The following TMPRSS15 variants were observed in gnomAD, a reference collection of about 807,000 sequenced individuals.
TMPRSS15 encodes transmembrane serine protease 15.
Under a neutral mutation model 125.3 loss-of-function variants are expected in TMPRSS15, and 128 were observed. That is an observed-to-expected ratio of 1.02 (90% confidence interval 0.89 to 1.18). The LOEUF is 1.18. Among genes scored for constraint, TMPRSS15 ranks in the 50% most tolerant of loss-of-function variants. TMPRSS15 has a pLI of 0.00. For synonymous variants in TMPRSS15, 446 were observed against 423.2 expected (o/e 1.05, Z -0.66); for missense variants, 1,283 against 1,212.7 (o/e 1.06, Z -0.86).
In TMPRSS15 at chr21:18,419,378, AC is replaced by A. The variant is rs371577800; in HGVS notation, c.11-21050del. On this transcript the variant is annotated intron_variant, in intron 1 of 7. Transcript: ENST00000422787. The stretch of plus-strand genomic sequence containing the variant: ...GTAGCTGGGACTACAGGCGCCCGCC[AC>A]CACGCCCAGCTAATTTTTTGTATTT... Among the ~76,000 whole-genome samples the A allele has an allele frequency of 1.2e-3, 186 of 151,948 alleles. 3 individuals carry two copies. In the South Asian group the frequency reaches 0.015, roughly 12 times the overall value.
chr21:18,371,660 T>C (rs1362769663), intron 6 of TMPRSS15, among the ~76,000 whole-genome samples: 1 of 152,208 alleles, frequency 6.6e-6, no homozygotes, highest in African/African-American at 2.4e-5. Context: ...ATTCATATCT[T>C]ATTTCTACTA....
intron 1 of TMPRSS15, among the ~76,000 whole-genome samples, chr21:18,448,536 T>C (rs959248560): frequency 1.1e-4 from 17 of 152,164 alleles, no homozygotes; most frequent in African/African-American, 4.1e-4. Flanking sequence ...ATGCATACCA[T>C]ATTTTGAAAA....
rs557351595 is a variant in TMPRSS15, at chr21:18,483,425, C to T, written c.10+2374G>A. Among the ~76,000 whole-genome samples the T allele has an allele frequency of 1.1e-3, 169 of 151,868 alleles. 5 individuals are homozygous for T. In the South Asian group the frequency reaches 0.033, roughly 30 times the overall value. On this transcript the variant is annotated intron_variant, in intron 1 of 7. Coordinates refer to the TMPRSS15 transcript ENST00000422787. ...CCCTTTGGTTCTAACATTAGAGTTT[C>T]GGTTTTAACATTTGCTACTCCATGA...
chr21:18,313,893 CAAA>C (rs5842679), intron 17 of TMPRSS15, among the ~76,000 whole-genome samples: 27,480 of 129,772 alleles, frequency 0.21, 3,269 homozygotes, highest in East Asian at 0.51. Flanking sequence ...CCCTCCCCAC[CAAA>C]AAAAAAAAAA....
chr21:18,332,793 C>A (rs887009264), intron 13 of TMPRSS15, among the ~76,000 whole-genome samples: 4 of 152,234 alleles, frequency 2.6e-5, no homozygotes, highest in South Asian at 4.1e-4. Context: ...CACATGCACA[C>A]GTTTTTTCAT....
At chr21:18,483,641 T>C (rs550760710) in intron 1 of TMPRSS15, among the ~76,000 whole-genome samples, 1 of 151,950 alleles carries the variant, frequency 6.6e-6, no homozygotes, top group Non-Finnish European at 1.5e-5. Flanking sequence ...GTATACATAA[T>C]AAGAATACTA....
chr21:18,372,782 C>T (rs1196184698), intron 5 of TMPRSS15, among the ~76,000 whole-genome samples: 4 of 152,198 alleles, frequency 2.6e-5, no homozygotes, highest in Non-Finnish European at 4.4e-5. Context: ...ACACTGTAAA[C>T]ACACCCCTGC....
chr21:18,440,322 G>A (rs1430908737), intron 1 of TMPRSS15, among the ~76,000 whole-genome samples: 4 of 127,530 alleles, frequency 3.1e-5, no homozygotes, highest in African/African-American at 1.2e-4. Flanking sequence ...GCAGTGAGTC[G>A]AGATCGCGCC....
chr21:18,309,363 TA>T (rs1429705542), intron 18 of TMPRSS15, among the ~76,000 whole-genome samples: 1 of 152,062 alleles, frequency 6.6e-6, no homozygotes, highest in African/African-American at 2.4e-5. Flanking sequence ...ACTTCATGAC[TA>T]AAACACTAAA....
chr21:18,436,117 G>A (rs2076227348), intron 1 of TMPRSS15, among the ~76,000 whole-genome samples: 1 of 151,012 alleles, frequency 6.6e-6, no homozygotes, highest in Admixed American at 6.6e-5. Context: ...AGGGTTTTTT[G>A]TGTCTCTATT....
At chr21:18,475,276 A>G (rs1321061130) in intron 1 of TMPRSS15, among the ~76,000 whole-genome samples, 1 of 152,206 alleles carries the variant, frequency 6.6e-6, no homozygotes, top group Non-Finnish European at 1.5e-5. Context: ...AAAAAAGTCT[A>G]TCATTAGAAT....
chr21:18,276,350 T>C (rs1315864950), intron 23 of TMPRSS15, among the ~76,000 whole-genome samples: 2 of 152,180 alleles, frequency 1.3e-5, no homozygotes, highest in Non-Finnish European at 2.9e-5. Context: ...ACTTCCACAA[T>C]GATCAATTTC....
intron 1 of TMPRSS15, among the ~76,000 whole-genome samples, chr21:18,462,806 G>A (rs1054769940): frequency 5.9e-5 from 9 of 152,040 alleles, no homozygotes; most frequent in Non-Finnish European, 2.9e-5. Context: ...GGCAGCCAGA[G>A]AGAAAGGTCA....
intron 16 of TMPRSS15, among the ~76,000 whole-genome samples, chr21:18,320,249 T>A (rs1012286220): frequency 2.6e-5 from 4 of 152,042 alleles, no homozygotes; most frequent in Non-Finnish European, 4.4e-5. Context: ...ATATATATTT[T>A]AATATACTTT....
chr21:18,308,797 T>C (rs954650840), intron 18 of TMPRSS15, among the ~76,000 whole-genome samples: 1 of 152,152 alleles, frequency 6.6e-6, no homozygotes, highest in Non-Finnish European at 1.5e-5. Context: ...TGTGTCCATG[T>C]GTTCTCATTG....
chr21:18,438,027 G>A (rs1363577783), intron 1 of TMPRSS15, among the ~76,000 whole-genome samples: 9 of 151,534 alleles, frequency 5.9e-5, no homozygotes, highest in East Asian at 1.9e-4. Flanking sequence ...ACATACACAC[G>A]TATGTTTACT....
chr21:18,298,430 T>C (rs1482294526), intron 18 of TMPRSS15, among the ~76,000 whole-genome samples: 1 of 152,224 alleles, frequency 6.6e-6, no homozygotes, highest in Non-Finnish European at 1.5e-5. Flanking sequence ...AGCTTTGGCC[T>C]GCAAGTGTCA....
intron 1 of TMPRSS15, among the ~76,000 whole-genome samples, chr21:18,445,886 A>G (rs775030726): frequency 3.9e-5 from 6 of 152,192 alleles, no homozygotes; most frequent in Admixed American, 2.6e-4. Context: ...CCTTTTCTCT[A>G]AAATATGCAA....
chr21:18,297,019 T>C (rs962084196), intron 19 of TMPRSS15, among the ~76,000 whole-genome samples: 1 of 152,232 alleles, frequency 6.6e-6, no homozygotes, highest in East Asian at 1.9e-4. Context: ...TTTGTAGTTA[T>C]GGCTTCTTGC....
Sources: allele counts gnomAD v4.1 joint callset (sites outside exome capture counted in the v4.1 genomes callset), GRCh38; gene constraint gnomAD v4.1.1; transcripts MANE v1.5; gene names NCBI Gene and HGNC (gene_info 2026-07-23, HGNC 2026-07-21).